FHIP2A: variants seen among roughly 807,000 people sequenced by gnomAD.
FHIP2A encodes FHF complex subunit HOOK interacting protein 2A.
In FHIP2A, 46 loss-of-function variants were observed where a neutral mutation model predicts 93.5. That is an observed-to-expected ratio of 0.49 (90% CI 0.39 to 0.63). The LOEUF (loss-of-function observed/expected upper bound fraction) is 0.63. Among genes scored for constraint, FHIP2A ranks in the 20% least tolerant of loss-of-function variants. FHIP2A has a pLI of 0.00. For synonymous variants in FHIP2A, 332 were observed against 326.5 expected, an observed-to-expected ratio of 1.02 and a Z score of -0.18; for missense variants, 769 against 909.7, an observed-to-expected ratio of 0.85 and a Z score of 1.99.
Position 114,843,137 on chromosome 10 carries a change from A to G in FHIP2A, c.727A>G (p.Ser243Gly), listed in dbSNP as rs1328448012. 1 of 1,613,904 alleles carries G rather than the reference A, an allele frequency of 6.2e-7. No individual in the cohort carries two copies. Among genetic ancestry groups the G allele is most frequent in the Non-Finnish European group, 8.5e-7 (1 of 1,179,816 alleles). ...DHLSTSLDNLSVTSLPEASVV... is the reference protein window; with the variant it reads ...DHLSTSLDNLGVTSLPEASVV... ...CCTGTCCACAAGCTTGGATAACCTC[A>G]GTGTCACCTCACTGCCAGAGGCCTC... Residue 243 changes from serine to glycine, a missense_variant, in exon 6 of 17, where the codon AGT becomes GGT. Coordinates refer to ENST00000369248, the MANE Select transcript of FHIP2A (RefSeq NM_020940.4).
chr10:114,861,755 T>C lies in FHIP2A; in HGVS notation c.*215T>C. 3 of 1,274,090 alleles carry C rather than the reference T, an allele frequency of 2.4e-6. No individual in the cohort carries two copies. Among genetic ancestry groups the C allele is most frequent in the Non-Finnish European group, 3.0e-6 (3 of 1,006,674 alleles). The allele number at this position is 1,274,090 out of a possible 1,614,324, so 78.9% of individuals were successfully genotyped here. On this transcript the variant is annotated 3_prime_UTR_variant, in exon 17 of 17. Coordinates refer to ENST00000369248, the MANE Select transcript of FHIP2A (RefSeq NM_020940.4). ...GGCTTTATCATAATGGTTCTATATATACAATTGCACATTGTTGAATCCAGG... is the reference window on the plus strand; with the variant it reads ...GGCTTTATCATAATGGTTCTATATACACAATTGCACATTGTTGAATCCAGG...
At chr10:114,883,616 C>T (rs1360152905) in intron 16 of FHIP2A, among the ~76,000 whole-genome samples, 3 of 152,208 alleles carry the variant, frequency 2.0e-5, no homozygotes, top group African/African-American at 4.8e-5. Context: ...AAGTCTCACT[C>T]TGTCACCCAG....
Position 114,864,311 on chromosome 10 carries a change from T to C in FHIP2A, c.*2771T>C, listed in dbSNP as rs552417793. 22 of 985,424 alleles carry C rather than the reference T, an allele frequency of 2.2e-5. No homozygotes were observed. The African/African-American group carries it at 3.5e-4, about 16-fold the overall frequency. The allele number at this position is 985,424 out of a possible 1,614,324, so 61.0% of individuals were successfully genotyped here. Reference sequence around the variant, plus strand: ...GTCCATCAGTATTGACAGAAGACGTTACAGTGAAGTGCTAAAACCACACTA... The same window carrying C: ...GTCCATCAGTATTGACAGAAGACGTCACAGTGAAGTGCTAAAACCACACTA... On this transcript the variant is annotated 3_prime_UTR_variant, in exon 17 of 17. Coordinates refer to ENST00000369248, the MANE Select transcript of FHIP2A (RefSeq NM_020940.4).
intron 16 of FHIP2A, among the ~76,000 whole-genome samples, chr10:114,885,030 A>C (rs1019744691): frequency 6.6e-6 from 1 of 152,150 alleles, no homozygotes; most frequent in Non-Finnish European, 1.5e-5. Flanking sequence ...GCATTTCCCT[A>C]TAAGAATATC....
In FHIP2A at chr10:114,875,892, G is replaced by A. The variant is rs368681764; in HGVS notation, c.2192+14558G>A. Reference sequence around the variant, plus strand: ...AAGAGAAAGAAAGAAAAGAAAGAGAGAGAAAGAAATAAAGAAAGAGAAAGA... The same window carrying A: ...AAGAGAAAGAAAGAAAAGAAAGAGAAAGAAAGAAATAAAGAAAGAGAAAGA... On this transcript the variant is annotated intron_variant, in intron 16 of 16. Coordinates refer to the FHIP2A transcript ENST00000369250. 1.7e-4 allele frequency among the ~76,000 whole-genome samples: 12 copies of A among 71,854 alleles called. 1 individual carries two copies. Among genetic ancestry groups the A allele is most frequent in the South Asian group, 9.8e-4 (2 of 2,050 alleles). 47.1% of individuals were successfully genotyped at this position (71,854 alleles called of 152,430 possible). A position where few individuals can be genotyped will look rare whatever the true frequency, so the allele number is the denominator to read the frequency against.
chr10:114,858,699 G>A (rs1391794368), intron 14 of FHIP2A, among the ~76,000 whole-genome samples: 2 of 151,538 alleles, frequency 1.3e-5, no homozygotes, highest in Admixed American at 1.3e-4. Flanking sequence ...GAGTCTCAGA[G>A]AAGGCTATTC....
chr10:114,863,016 T>C lies in FHIP2A; in HGVS notation c.*1476T>C. ...TTCTGGTTTATTTCATAGTTTGTTC[T>C]TGCTATTTATTAAGAACAGAATATC... On this transcript the variant is annotated 3_prime_UTR_variant, in exon 17 of 17. Coordinates refer to ENST00000369248, the MANE Select transcript of FHIP2A (RefSeq NM_020940.4). 4 of 985,456 alleles carry C rather than the reference T, an allele frequency of 4.1e-6. No homozygotes were observed. Among genetic ancestry groups the C allele is most frequent in the Non-Finnish European group, 4.8e-6 (4 of 829,918 alleles). 61.0% of individuals were successfully genotyped at this position (985,456 alleles called of 1,614,324 possible). A position where few individuals can be genotyped will look rare whatever the true frequency, so the allele number is the denominator to read the frequency against.
chr10:114,837,613 G>C (rs527468417), intron 5 of FHIP2A, among the ~76,000 whole-genome samples: 12 of 152,214 alleles, frequency 7.9e-5, no homozygotes, highest in Non-Finnish European at 1.0e-4. Context: ...TCTGCATTCT[G>C]TGAGCTTGAT....
intron 13 of FHIP2A, among the ~76,000 whole-genome samples, chr10:114,850,649 A>G (rs570216543): frequency 1.1e-4 from 16 of 152,198 alleles, no homozygotes; most frequent in Admixed American, 6.5e-4. Flanking sequence ...ACAGTGAGCT[A>G]TGATGGTGAC....
chr10:114,896,992 T>G (rs2084004430), intron 16 of FHIP2A, among the ~76,000 whole-genome samples: 1 of 152,232 alleles, frequency 6.6e-6, no homozygotes, highest in Non-Finnish European at 1.5e-5. Flanking sequence ...GAAGCAAAAT[T>G]TATTTAAAGA....
chr10:114,826,125 C>G (rs771364961), intron 1 of FHIP2A, among the ~76,000 whole-genome samples: 1 of 152,216 alleles, frequency 6.6e-6, no homozygotes, highest in Non-Finnish European at 1.5e-5. Context: ...TAGGTTCAGT[C>G]CTTCACTCAT....
chr10:114,883,879 C>T (rs543594459), intron 16 of FHIP2A, among the ~76,000 whole-genome samples: 47 of 152,180 alleles, frequency 3.1e-4, no homozygotes, highest in African/African-American at 1.0e-3. Context: ...CATGCCCGGC[C>T]GATATACAAG....
chr10:114,897,147 C>T (rs1460733113), intron 16 of FHIP2A, among the ~76,000 whole-genome samples: 1 of 152,250 alleles, frequency 6.6e-6, no homozygotes, highest in African/African-American at 2.4e-5. Context: ...TAGCCTGTTC[C>T]TCTTCCATAT....
chr10:114,843,276 GTATT>G (rs2083680308), intron 6 of FHIP2A, 50 bp downstream of exon 6: 2 of 1,079,052 alleles, frequency 1.9e-6, no homozygotes, highest in Non-Finnish European at 2.5e-6. Flanking sequence ...TCAATAATGT[GTATT>G]TATTTATTTT....
At chr10:114,837,862 G>A (rs2083645141) in intron 5 of FHIP2A, among the ~76,000 whole-genome samples, 2 of 152,164 alleles carry the variant, frequency 1.3e-5, no homozygotes, top group Non-Finnish European at 2.9e-5. Context: ...CCTTTATGTT[G>A]TTGAGTACTA....
At chr10:114,878,053 T>G (rs1399643611) in intron 16 of FHIP2A, among the ~76,000 whole-genome samples, 2 of 152,050 alleles carry the variant, frequency 1.3e-5, no homozygotes, top group African/African-American at 4.8e-5. Flanking sequence ...TAAAAGAAAA[T>G]TATCTAGAAT....
At chr10:114,835,122 A>AGTT (rs34380901) in intron 3 of FHIP2A, among the ~76,000 whole-genome samples, 67,911 of 151,834 alleles carry the variant, frequency 0.45, 15,343 homozygotes, top group Non-Finnish European at 0.48. Context: ...TATGATGGAA[A>AGTT]GTTGATGACA....
At chr10:114,845,576 ATT>A (rs1358963960) in intron 8 of FHIP2A, 95 bp downstream of exon 8, 1 of 735,726 alleles carries the variant, frequency 1.4e-6, no homozygotes, top group African/African-American at 1.8e-5. Flanking sequence ...ATACATTTTA[ATT>A]GTCTTAGAAT....
chr10:114,847,903 A>G (rs961131919), intron 12 of FHIP2A, among the ~76,000 whole-genome samples: 1 of 151,980 alleles, frequency 6.6e-6, no homozygotes, highest in African/African-American at 2.4e-5. Context: ...CATGGCTACT[A>G]CGACTTGACC....
Sources: gnomAD v4.1 joint callset for allele counts (sites outside exome capture counted in the v4.1 genomes callset) on GRCh38, gnomAD v4.1.1 for gene constraint, MANE v1.5 for transcripts, NCBI Gene and HGNC (gene_info 2026-07-23, HGNC 2026-07-21) for gene names.